Variants in BCL11B observed in about 807,000 individuals in gnomAD.
BCL11B encodes the protein B-cell lymphoma/leukemia 11B.
Under a neutral mutation model 49.9 loss-of-function variants are expected in BCL11B, and 8 were observed. The ratio of observed to expected loss-of-function variants is 0.16; its 90% CI spans 0.09 to 0.29. The LOEUF (loss-of-function observed/expected upper bound fraction) is 0.29, where lower values mean the gene tolerates loss of function less well. BCL11B is among the 10% of genes least tolerant of loss of function. BCL11B has a pLI of 1.00. For missense variants in BCL11B, 1,006 were observed against 1,351.0 expected (o/e 0.74, Z 4.00); for synonymous variants, 739 against 637.4 (o/e 1.16, Z -2.40).
intron 3 of BCL11B, among the ~76,000 whole-genome samples, chr14:99,187,425 T>C (rs1193765329): frequency 1.3e-5 from 2 of 152,202 alleles, no homozygotes; most frequent in Non-Finnish European, 2.9e-5. Context: ...CCTTGAAATC[T>C]GCTTTCTGTG....
rs148274910 is a variant in BCL11B at position 99,222,434 on chromosome 14, G to A, written c.640+8911C>T. On this transcript the variant is annotated intron_variant, in intron 3 of 3. Coordinates refer to ENST00000357195, the MANE Select transcript of BCL11B (RefSeq NM_138576.4). ...TGGGCACCTGCTGGGACTCATCCCCGCCCCAGCCACTGGAGAGACAGAGAT... is the reference window on the plus strand; with the variant it reads ...TGGGCACCTGCTGGGACTCATCCCCACCCCAGCCACTGGAGAGACAGAGAT... 9.5e-3 allele frequency among the ~76,000 whole-genome samples: 1,442 copies of A among 152,124 alleles called. 24 individuals are homozygous for A. Among genetic ancestry groups the A allele is most frequent in the African/African-American group, 0.033 (1,381 of 41,514 alleles).
chr14:99,243,307 C>G (rs948606688), intron 2 of BCL11B, among the ~76,000 whole-genome samples: 1 of 152,106 alleles, frequency 6.6e-6, no homozygotes, highest in Admixed American at 6.5e-5. Context: ...CCACATAAAC[C>G]TCCTCCCAAA....
chr14:99,217,176 A>G (rs1035315110), intron 3 of BCL11B, among the ~76,000 whole-genome samples: 3 of 152,220 alleles, frequency 2.0e-5, no homozygotes, highest in African/African-American at 7.2e-5. Context: ...AAATATGTAT[A>G]TATACCCTCA....
chr14:99,191,152 C>A (rs1421093190), intron 3 of BCL11B, among the ~76,000 whole-genome samples: 1 of 152,100 alleles, frequency 6.6e-6, no homozygotes, highest in Non-Finnish European at 1.5e-5. Context: ...GTTGTTTTGC[C>A]CCTCCAGGAA....
rs552403671 is a variant in BCL11B at position 99,194,153 on chromosome 14, G to A, written c.641-17958C>T. Reference sequence around the variant, plus strand: ...TTCTCCCAAACATGATGGAGAAGACGAAATATCAGGAAGCTCAGGGCAGGT... The same window carrying A: ...TTCTCCCAAACATGATGGAGAAGACAAAATATCAGGAAGCTCAGGGCAGGT... On this transcript the variant is annotated intron_variant, in intron 3 of 3. Transcript: ENST00000357195. This position sits in a 1 kb window ranked among gnomAD's most constrained non-coding sequence, Gnocchi z 4.6. 5.3e-5 allele frequency among the ~76,000 whole-genome samples: 8 copies of A among 152,150 alleles called. No homozygotes were observed. In the South Asian group the frequency reaches 1.2e-3, roughly 24 times the overall value.
At chr14:99,216,619 C>G (rs1887842506) in intron 3 of BCL11B, among the ~76,000 whole-genome samples, 1 of 152,144 alleles carries the variant, frequency 6.6e-6, no homozygotes, top group South Asian at 2.1e-4. Flanking sequence ...GAGACTCGCC[C>G]TCAAAGGCCT....
In BCL11B at chr14:99,257,519, G is replaced by C. The variant is rs529524503; in HGVS notation, c.379C>G (p.Leu127Val). Residue 127 changes from leucine (L) to valine (V), a missense_variant, in exon 2 of 4, where the codon CTG becomes GTG. Coordinates refer to ENST00000357195, the MANE Select transcript of BCL11B (RefSeq NM_138576.4). This position sits in a 1 kb window ranked among gnomAD's most constrained non-coding sequence, Gnocchi z 6.2. ...IQVTPDEDDH[L>V]LSPTKGICPK... ...CAGATGCCTTTCGTGGGTGAGAGCA[G>C]GTGGTCATCTTCGTCGGGGGTGACT... The C allele has an allele frequency of 3.7e-6, 6 of 1,613,324 alleles. No homozygotes were observed. The highest frequency in any genetic ancestry group is 1.1e-5 in the South Asian group (1 of 90,944).
intron 2 of BCL11B, among the ~76,000 whole-genome samples, chr14:99,254,699 C>T (rs1041143671): frequency 2.0e-5 from 3 of 152,216 alleles, no homozygotes; most frequent in Non-Finnish European, 2.9e-5. Flanking sequence ...CTTGGAGCCC[C>T]GGCCAGGAGG....
chr14:99,176,170 A>G lies in BCL11B; in HGVS notation c.666T>C (p.Ile222=), dbSNP rs761279420. The part of the protein sequence containing the change: ...LSGKDEPSSY[I]CTTCKQPFNS... ...TGAAGGGCTGCTTGCATGTTGTGCAAATGTAGCTGGAAGGCTCATCTTTAC... is the reference window on the plus strand; with the variant it reads ...TGAAGGGCTGCTTGCATGTTGTGCAGATGTAGCTGGAAGGCTCATCTTTAC... Residue 222 remains isoleucine (I), a synonymous_variant, in exon 4 of 4, where the codon ATT becomes ATC. Coordinates refer to ENST00000357195, the MANE Select transcript of BCL11B (RefSeq NM_138576.4). The G allele has an allele frequency of 3.7e-6, 6 of 1,611,828 alleles. No individual in the cohort carries two copies. Among genetic ancestry groups the G allele is most frequent in the East Asian group, 2.2e-5 (1 of 44,702 alleles).
At chr14:99,235,962 G>C (rs1888486139) in intron 2 of BCL11B, among the ~76,000 whole-genome samples, 2 of 152,078 alleles carry the variant, frequency 1.3e-5, no homozygotes, top group Admixed American at 6.5e-5. Context: ...CTGTAATGAG[G>C]GCGATTGATG....
rs190782742 is a variant in BCL11B at position 99,257,817 on chromosome 14, G to A, written c.81C>T (p.Ala27=). Residue 27 remains alanine, a synonymous_variant, in exon 2 of 4, where the codon GCC becomes GCT. Transcript: ENST00000357195. The surrounding 1 kb of genome is among the most constrained non-coding windows in gnomAD (Gnocchi z 6.2). ...GACCCTCGTCTTCTTCGAGGATGGCGGCCTCCACATGGTCAGCCTCTGCTG... is the reference window on the plus strand; with the variant it reads ...GACCCTCGTCTTCTTCGAGGATGGCAGCCTCCACATGGTCAGCCTCTGCTG... The part of the protein sequence containing the change: ...LITPEADHVE[A]AILEEDEGLE... 4.1e-5 allele frequency: 64 copies of A among 1,543,802 alleles called. No homozygotes were observed. The highest frequency in any genetic ancestry group is 1.3e-4 in the Admixed American group (7 of 51,934).
In BCL11B at chr14:99,169,972, C is replaced by T; in HGVS notation, c.*4179G>A. 4.4e-6 allele frequency: 1 copy of T among 229,570 alleles called. No individual in the cohort carries two copies. The highest frequency in any genetic ancestry group is 6.2e-5 in the East Asian group (1 of 16,100). 14.2% of individuals were successfully genotyped at this position (229,570 alleles called of 1,614,324 possible). A position where few individuals can be genotyped will look rare whatever the true frequency, so the allele number is the denominator to read the frequency against. ...GGTCACCCATGCTAGAGGCCTCTCTCTCGGGATCATCTGCTTCCGTGTTGG... is the reference window on the plus strand; with the variant it reads ...GGTCACCCATGCTAGAGGCCTCTCTTTCGGGATCATCTGCTTCCGTGTTGG... On this transcript the variant is annotated 3_prime_UTR_variant, in exon 4 of 4. Coordinates refer to ENST00000357195, the MANE Select transcript of BCL11B (RefSeq NM_138576.4).
At chr14:99,263,837 A>G (rs1566835900) in intron 1 of BCL11B, among the ~76,000 whole-genome samples, 1 of 152,238 alleles carries the variant, frequency 6.6e-6, no homozygotes, top group East Asian at 1.9e-4. Context: ...CCCCAGCACA[A>G]GAGCAGAAAA....
Position 99,172,274 on chromosome 14 carries a change from A to G in BCL11B, c.*1877T>C, listed in dbSNP as rs1239248952. 2.2e-5 allele frequency: 5 copies of G among 226,568 alleles called. No individual in the cohort carries two copies. Among genetic ancestry groups the G allele is most frequent in the Non-Finnish European group, 4.4e-5 (5 of 113,722 alleles). The allele number at this position is 226,568 out of a possible 1,614,324, so 14.0% of individuals were successfully genotyped here. ...AATCACCTCCACTCCATATCTAAGC[A>G]GCGTTGTCCCAAAAACAAAAGGGGC... On this transcript the variant is annotated 3_prime_UTR_variant, in exon 4 of 4. Coordinates refer to ENST00000357195, the MANE Select transcript of BCL11B (RefSeq NM_138576.4).
At chr14:99,230,694 C>A (rs760009002) in intron 3 of BCL11B, among the ~76,000 whole-genome samples, 14 of 152,184 alleles carry the variant, frequency 9.2e-5, no homozygotes, top group Non-Finnish European at 1.8e-4. Flanking sequence ...ACCGCCCGCC[C>A]GGGAGAGCAG....
rs1003404010 is a variant in BCL11B at position 99,213,235 on chromosome 14, C to G, written c.640+18110G>C. Among the ~76,000 whole-genome samples the G allele has an allele frequency of 6.6e-6, 1 of 152,152 alleles. No homozygotes were observed. The highest frequency in any genetic ancestry group is 1.5e-5 in the Non-Finnish European group (1 of 68,036). On this transcript the variant is annotated intron_variant, in intron 3 of 3. Coordinates refer to ENST00000357195, the MANE Select transcript of BCL11B (RefSeq NM_138576.4). This position sits in a 1 kb window ranked among gnomAD's most constrained non-coding sequence, Gnocchi z 5.1. ...GCCCCTGGAATGAAGAAGGGAGCCC[C>G]GGAGGCTCGGCCGACCTGGGTGTGC...
chr14:99,187,257 G>A (rs1400294332), intron 3 of BCL11B, among the ~76,000 whole-genome samples: 1 of 152,228 alleles, frequency 6.6e-6, no homozygotes, highest in Non-Finnish European at 1.5e-5. Flanking sequence ...AGATGGAAGA[G>A]CCGGGGCAGG....
intron 3 of BCL11B, among the ~76,000 whole-genome samples, chr14:99,200,434 TCACAGG>T (rs910273323): frequency 6.6e-6 from 1 of 152,186 alleles, no homozygotes; most frequent in African/African-American, 2.4e-5. Flanking sequence ...GTGCCCCAGA[TCACAGG>T]CACAGGCACA....
At position 99,257,203 on chromosome 14, in the gene BCL11B, C is replaced by T. The variant is rs556454800; in HGVS notation, c.427+268G>A. On this transcript the variant is annotated intron_variant, in intron 2 of 3. Transcript: ENST00000357195. This position sits in a 1 kb window ranked among gnomAD's most constrained non-coding sequence, Gnocchi z 6.2. ...ACTTCCAAATTTTCATTCTGTGCTT[C>T]TGACCACCTCTGGATTAGCCCCCGA... Among the ~76,000 whole-genome samples, 1 of 152,328 alleles carries T rather than the reference C, an allele frequency of 6.6e-6. No homozygotes were observed. The highest frequency in any genetic ancestry group is 2.4e-5 in the African/African-American group (1 of 41,576).
Sources: gnomAD v4.1 joint callset for allele counts (sites outside exome capture counted in the v4.1 genomes callset) on GRCh38, gnomAD v4.1.1 for gene constraint, Gnocchi (gnomAD v3.1) non-coding constraint, MANE v1.5 for transcripts, NCBI Gene and HGNC (gene_info 2026-07-23, HGNC 2026-07-21) for gene names.